The following IRGM variants were observed in gnomAD, a reference collection of about 807,000 sequenced individuals.
IRGM encodes the protein immunity related GTPase M, also known as immunity-related GTPase family M protein.
For synonymous variants in IRGM, 98 were observed against 80.6 expected (o/e 1.22, Z -1.16); for missense variants, 288 against 219.9 (o/e 1.31, Z -1.96).
chr5:150,895,961 T>G, intron 3 of IRGM: 1 of 1,613,600 alleles, frequency 6.2e-7, no homozygotes, highest in Non-Finnish European at 8.5e-7. Flanking sequence ...TTCTTTTATG[T>G]ATAATGAGGT....
intron 1 of IRGM, among the ~76,000 whole-genome samples, chr5:150,853,729 C>T (rs535317318): frequency 3.3e-5 from 5 of 152,146 alleles, no homozygotes; most frequent in Admixed American, 2.6e-4. Flanking sequence ...GCCACCCCTG[C>T]TCTCTTTCAG....
intron 1 of IRGM, among the ~76,000 whole-genome samples, chr5:150,854,700 T>C (rs1428308041): frequency 6.6e-6 from 1 of 152,194 alleles, no homozygotes; most frequent in East Asian, 1.9e-4. Flanking sequence ...TGAGAATAGC[T>C]TGTATATGAT....
chr5:150,852,526 ACTT>A (rs1338528283), downstream of IRGM, among the ~76,000 whole-genome samples: 1 of 152,124 alleles, frequency 6.6e-6, no homozygotes, highest in Non-Finnish European at 1.5e-5. Context: ...CTGTTTGTCC[ACTT>A]CTTATTTCAT....
At chr5:150,891,699 C>T (rs1362999627) in intron 3 of IRGM, among the ~76,000 whole-genome samples, 2 of 152,014 alleles carry the variant, frequency 1.3e-5, no homozygotes, top group East Asian at 1.9e-4. Context: ...GACCATGTAG[C>T]CATTCCAATG....
intron 3 of IRGM, among the ~76,000 whole-genome samples, chr5:150,886,728 T>C (rs1754529847): frequency 6.6e-6 from 1 of 152,084 alleles, no homozygotes; most frequent in East Asian, 1.9e-4. Context: ...TTCTTATTCC[T>C]ATGGGGTTAG....
Position 150,864,918 on chromosome 5 carries a change from G to A in IRGM, c.159-13062G>A, listed in dbSNP as rs151032954. On this transcript the variant is annotated intron_variant and NMD_transcript_variant, in intron 1 of 3. Transcript: ENST00000520549. ...CTGATTATTGCTCTTGACGATGGGC[G>A]TGTCCTGATGCTTCATGAAAACCCC... 4.0e-3 allele frequency among the ~76,000 whole-genome samples: 615 copies of A among 152,306 alleles called. 8 individuals are homozygous for A. The highest frequency in any genetic ancestry group is 0.014 in the African/African-American group (565 of 41,548).
Position 150,848,222 on chromosome 5 carries a change from A to C in IRGM, c.99A>C (p.Pro33=), listed in dbSNP as rs1467311776. 3.9e-6 allele frequency: 6 copies of C among 1,551,684 alleles called. No individual in the cohort carries two copies. The highest frequency in any genetic ancestry group is 5.2e-6 in the Non-Finnish European group (6 of 1,146,936). Residue 33 remains proline, a synonymous_variant, in exon 2 of 2, where the codon CCA becomes CCC. Coordinates refer to ENST00000522154, the MANE Select transcript of IRGM (RefSeq NM_001145805.2). ...CTCTGAAGATAGTGTCCAGGACACC[A>C]GTTAACATCACTATGGCAGGGGACT... is the stretch of plus-strand genomic sequence containing the variant. The part of the protein sequence containing the change: ...KETLKIVSRT[P]VNITMAGDSG...
At chr5:150,886,949 T>C (rs1269501812) in intron 3 of IRGM, among the ~76,000 whole-genome samples, 1 of 152,038 alleles carries the variant, frequency 6.6e-6, no homozygotes, top group Non-Finnish European at 1.5e-5. Context: ...TTGATAGCTT[T>C]GGAGTGGATT....
At chr5:150,896,623 T>C (rs1754793918) in intron 3 of IRGM, 1 of 1,613,572 alleles carries the variant, frequency 6.2e-7, no homozygotes, top group South Asian at 1.1e-5. Context: ...CTTGAATTGC[T>C]CTTATAACAA....
intron 1 of IRGM, among the ~76,000 whole-genome samples, chr5:150,873,141 T>C (rs1328501396): frequency 6.6e-6 from 1 of 152,230 alleles, no homozygotes; most frequent in Non-Finnish European, 1.5e-5. Flanking sequence ...GCCATCAGAA[T>C]AGTCTGACTC....
intron 3 of IRGM, among the ~76,000 whole-genome samples, chr5:150,883,234 A>T (rs1754470801): frequency 6.6e-6 from 1 of 152,000 alleles, no homozygotes; most frequent in Admixed American, 6.6e-5. Context: ...TCTAAATAAT[A>T]CTCTATTGCG....
chr5:150,856,023 A>G (rs1163938872), intron 1 of IRGM, among the ~76,000 whole-genome samples: 1 of 151,188 alleles, frequency 6.6e-6, no homozygotes, highest in Admixed American at 6.6e-5. Flanking sequence ...TATAACAATA[A>G]ATTATAAATC....
intron 1 of IRGM, among the ~76,000 whole-genome samples, chr5:150,858,241 T>C (rs1421381010): frequency 1.3e-5 from 2 of 152,032 alleles, no homozygotes; most frequent in African/African-American, 4.8e-5. Flanking sequence ...GTTGTAGATA[T>C]GCGGCATTAT....
intron 1 of IRGM, among the ~76,000 whole-genome samples, chr5:150,861,307 G>A (rs559266933): frequency 1.6e-4 from 25 of 152,252 alleles, no homozygotes; most frequent in South Asian, 1.2e-3. Context: ...TCAAAGTATC[G>A]TAGTTTCAGG....
At chr5:150,897,185 T>C (rs1431360875) in intron 3 of IRGM, 2 of 424,860 alleles carry the variant, frequency 4.7e-6, no homozygotes, top group Non-Finnish European at 8.3e-6. Flanking sequence ...AAACTAAACT[T>C]AAAAGAGATG....
intron 3 of IRGM, chr5:150,895,443 T>C (rs1281772839): frequency 6.2e-7 from 1 of 1,604,908 alleles, no homozygotes; most frequent in Non-Finnish European, 8.5e-7. Context: ...TACCACTGTG[T>C]GAATTCTCTG....
intron 3 of IRGM, among the ~76,000 whole-genome samples, chr5:150,894,096 T>G (rs1184413063): frequency 1.3e-5 from 2 of 151,934 alleles, no homozygotes; most frequent in Non-Finnish European, 2.9e-5. Flanking sequence ...AGGAAGGGGA[T>G]CAAGTGGATA....
intron 3 of IRGM, among the ~76,000 whole-genome samples, chr5:150,890,110 G>A (rs139376385): frequency 8.4e-4 from 128 of 152,054 alleles, no homozygotes; most frequent in African/African-American, 3.0e-3. Flanking sequence ...TTTAAATATT[G>A]TTTGGTTTGA....
chr5:150,897,038 G>A, intron 3 of IRGM: 1 of 1,278,062 alleles, frequency 7.8e-7, no homozygotes, highest in Non-Finnish European at 1.1e-6. Context: ...TAAAGAAGTA[G>A]AACAAATGGA....
Sources: allele counts gnomAD v4.1 joint callset (sites outside exome capture counted in the v4.1 genomes callset), GRCh38; gene constraint gnomAD v4.1.1; transcripts MANE v1.5; gene names NCBI Gene and HGNC (gene_info 2026-07-23, HGNC 2026-07-21).